ANKS1B: variants seen among roughly 807,000 people sequenced by gnomAD.
ANKS1B encodes ankyrin repeat and sterile alpha motif domain-containing protein 1B.
ANKS1B carries 36 observed loss-of-function variants against 148.3 expected under a neutral mutation model. The ratio of observed to expected loss-of-function variants is 0.24; its 90% confidence interval spans 0.19 to 0.32. The LOEUF (loss-of-function observed/expected upper bound fraction) is 0.32. Among genes scored for constraint, ANKS1B ranks in the 10% least tolerant of loss-of-function variants. The probability of loss-of-function intolerance (pLI) is 1.00; values close to 1 mark genes in which losing one functional copy is unlikely to be tolerated. For missense variants in ANKS1B, 1,157 were observed against 1,542.6 expected (o/e 0.75, Z 4.19); for synonymous variants, 542 against 560.8 (o/e 0.97, Z 0.47).
chr12:98,803,386 C>T (rs1164137155), intron 20 of ANKS1B, among the ~76,000 whole-genome samples: 2 of 152,120 alleles, frequency 1.3e-5, no homozygotes, highest in East Asian at 1.9e-4. Flanking sequence ...CTCCTTCTCC[C>T]GCTCCCTGGA....
At chr12:99,095,034 G>C (rs1415379688) in intron 15 of ANKS1B, among the ~76,000 whole-genome samples, 4 of 151,866 alleles carry the variant, frequency 2.6e-5, no homozygotes, top group Non-Finnish European at 4.4e-5. Context: ...ACTGGGGGGG[G>C]GGTCAAGTCT....
intron 4 of ANKS1B, among the ~76,000 whole-genome samples, chr12:99,800,690 A>T (rs972930986): frequency 6.6e-6 from 1 of 152,096 alleles, no homozygotes; most frequent in Non-Finnish European, 1.5e-5. Context: ...GTGATATGCA[A>T]ATTTTTGAAG....
intron 10 of ANKS1B, among the ~76,000 whole-genome samples, chr12:99,492,781 A>G (rs781659977): frequency 9.8e-5 from 15 of 152,382 alleles, no homozygotes; most frequent in Non-Finnish European, 1.8e-4. Context: ...TCACATAAAC[A>G]GAACTAAAGA....
chr12:99,359,083 A>T (rs758012793), intron 12 of ANKS1B, among the ~76,000 whole-genome samples: 2 of 152,126 alleles, frequency 1.3e-5, no homozygotes, highest in African/African-American at 4.8e-5. Context: ...TCTCTACCCC[A>T]TTGTTCTTTT....
intron 17 of ANKS1B, among the ~76,000 whole-genome samples, chr12:99,001,454 A>G (rs1465014787): frequency 6.6e-6 from 1 of 152,180 alleles, no homozygotes; most frequent in East Asian, 1.9e-4. Flanking sequence ...TTAGATAAAT[A>G]CCGAAAAGTG....
intron 14 of ANKS1B, among the ~76,000 whole-genome samples, chr12:99,234,070 C>T (rs2087378216): frequency 6.6e-6 from 1 of 152,080 alleles, no homozygotes; most frequent in African/African-American, 2.4e-5. Flanking sequence ...TCTTAAGCAA[C>T]AAACATAAGT....
chr12:98,794,028 C>A (rs1464614315), intron 22 of ANKS1B, among the ~76,000 whole-genome samples: 2 of 152,152 alleles, frequency 1.3e-5, no homozygotes, highest in African/African-American at 4.8e-5. Context: ...CAACAACAAA[C>A]CCACTGAAAA....
At chr12:99,481,222 A>C (rs999961234) in intron 10 of ANKS1B, among the ~76,000 whole-genome samples, 1 of 151,668 alleles carries the variant, frequency 6.6e-6, no homozygotes, top group Non-Finnish European at 1.5e-5. Context: ...ATATCACTCT[A>C]TGATGCCTTT....
At chr12:99,334,129 A>AATAGAGAG (rs2088224327) in intron 12 of ANKS1B, among the ~76,000 whole-genome samples, 1 of 150,744 alleles carries the variant, frequency 6.6e-6, no homozygotes, top group African/African-American at 2.5e-5. Flanking sequence ...TGCTCCTCTA[A>AATAGAGAG]ATAGATAGAT....
At chr12:99,540,639 C>T (rs1356722083) in intron 9 of ANKS1B, among the ~76,000 whole-genome samples, 2 of 151,730 alleles carry the variant, frequency 1.3e-5, no homozygotes, top group Admixed American at 1.3e-4. Context: ...ACACAACATA[C>T]CAAAGCTTAT....
At position 99,689,374 on chromosome 12, in the gene ANKS1B, C is replaced by T. The variant is rs1456317232; in HGVS notation, c.1129-34164G>A. Among the ~76,000 whole-genome samples, 159 of 152,240 alleles carry T rather than the reference C, an allele frequency of 1.0e-3. 1 individual carries two copies. The highest frequency in any genetic ancestry group is 7.4e-5 in the Non-Finnish European group (5 of 68,016). On this transcript the variant is annotated intron_variant, in intron 8 of 26. Transcript: ENST00000683438. ...GGATCAAATAATGCAAAGAAGAATA[C>T]AAGAGTAAGCTTAGTGCGTGTGGCA...
chr12:99,702,582 G>A (rs377752961), intron 8 of ANKS1B, among the ~76,000 whole-genome samples: 25 of 151,902 alleles, frequency 1.6e-4, no homozygotes, highest in Middle Eastern at 3.4e-3. Flanking sequence ...TTGCTCTATC[G>A]CTCAGGCTGG....
At chr12:99,744,846 G>C (rs530160667) in intron 8 of ANKS1B, among the ~76,000 whole-genome samples, 1 of 152,060 alleles carries the variant, frequency 6.6e-6, no homozygotes, top group Admixed American at 6.5e-5. Context: ...ACAAAAATTA[G>C]CTGGGCGTGG....
intron 17 of ANKS1B, among the ~76,000 whole-genome samples, chr12:99,007,975 C>T (rs1156613928): frequency 1.3e-5 from 2 of 151,818 alleles, no homozygotes; most frequent in Non-Finnish European, 2.9e-5. Flanking sequence ...TCCAAGCCCC[C>T]CCACCCTCTA....
chr12:99,429,679 T>C (rs7302319), intron 11 of ANKS1B, among the ~76,000 whole-genome samples: 2,344 of 152,282 alleles, frequency 0.015, 66 homozygotes, highest in South Asian at 0.041. Context: ...AGAAATAACA[T>C]GGGGCCGGGC....
At chr12:99,696,488 G>A (rs770799826) in intron 8 of ANKS1B, among the ~76,000 whole-genome samples, 14 of 151,958 alleles carry the variant, frequency 9.2e-5, no homozygotes, top group African/African-American at 1.9e-4. Flanking sequence ...TGTAGATAGC[G>A]TTTCAACAAA....
At chr12:98,926,338 C>G (rs2099808133) in intron 17 of ANKS1B, among the ~76,000 whole-genome samples, 1 of 152,206 alleles carries the variant, frequency 6.6e-6, no homozygotes, top group Non-Finnish European at 1.5e-5. Flanking sequence ...ACAGAATTTA[C>G]AGAATTAGTC....
chr12:99,557,992 T>C (rs942636292), intron 9 of ANKS1B, among the ~76,000 whole-genome samples: 7 of 152,286 alleles, frequency 4.6e-5, no homozygotes, highest in African/African-American at 1.7e-4. Context: ...TGCCCCCAGC[T>C]TTGTTCTCTG....
intron 12 of ANKS1B, among the ~76,000 whole-genome samples, chr12:99,333,854 G>GTTGTT (rs1555391372): frequency 9.3e-6 from 1 of 107,484 alleles, no homozygotes; most frequent in African/African-American, 4.0e-5. Flanking sequence ...CCAGTTCTCA[G>GTTGTT]TTTTTTTTTT....
Sources: allele counts gnomAD v4.1 joint callset (sites outside exome capture counted in the v4.1 genomes callset), GRCh38; gene constraint gnomAD v4.1.1; transcripts MANE v1.5; gene names NCBI Gene and HGNC (gene_info 2026-07-23, HGNC 2026-07-21).